The following ADARB2 variants were observed in gnomAD, a reference collection of about 807,000 sequenced individuals.
ADARB2 encodes the protein adenosine deaminase RNA specific B2 (inactive).
ADARB2 carries 25 observed loss-of-function variants against 62.2 expected under a neutral mutation model. That is an observed-to-expected ratio of 0.40 (90% CI 0.29 to 0.56). The LOEUF is 0.56. ADARB2 is among the 20% of genes least tolerant of loss of function. The pLI is 0.43. For synonymous variants in ADARB2, 572 were observed against 500.8 expected (o/e 1.14, Z -1.90); for missense variants, 1,071 against 1,077.4 (o/e 0.99, Z 0.08).
chr10:1,370,268 A>G (rs1832356882), intron 2 of ADARB2, among the ~76,000 whole-genome samples: 1 of 49,136 alleles, frequency 2.0e-5, no homozygotes, highest in Admixed American at 3.7e-4. Context: ...CATGATAAAA[A>G]CTGTCAACAA....
chr10:1,469,500 T>A (rs1413942452), intron 1 of ADARB2, among the ~76,000 whole-genome samples: 1 of 152,218 alleles, frequency 6.6e-6, no homozygotes, highest in Non-Finnish European at 1.5e-5. Context: ...ACTTTTACAC[T>A]TTTACACAAG....
intron 1 of ADARB2, among the ~76,000 whole-genome samples, chr10:1,395,686 C>T (rs945981927): frequency 2.0e-5 from 3 of 152,180 alleles, no homozygotes; most frequent in African/African-American, 7.2e-5. Context: ...CAGACCATCC[C>T]GGCGTCGCAG....
chr10:1,606,287 C>G (rs1325796098), intron 1 of ADARB2, among the ~76,000 whole-genome samples: 2 of 152,168 alleles, frequency 1.3e-5, no homozygotes, highest in African/African-American at 2.4e-5. Context: ...AAGTCAAGCC[C>G]CAGCCCAGAC....
Position 1,184,897 on chromosome 10 carries a change from G to T in ADARB2, c.2007C>A (p.His669Gln). The T allele has an allele frequency of 6.2e-7, 1 of 1,613,844 alleles. No individual in the cohort carries two copies. Among genetic ancestry groups the T allele is most frequent in the Non-Finnish European group, 8.5e-7 (1 of 1,180,036 alleles). ...SCGGPSRLCK[H>Q]VLSARWARLY... ...GCCGCGCCCACCGTGCAGACAGCAC[G>T]TGCTTGCAGAGCCGGGATGGGCCCC... Residue 669 changes from histidine to glutamine, a missense_variant, in exon 9 of 10, where the codon CAC becomes CAA. Physicochemically the swap from His to Gln is conservative, Grantham distance 24. Transcript: ENST00000381312.
intron 1 of ADARB2, among the ~76,000 whole-genome samples, chr10:1,499,149 C>T (rs1184016778): frequency 6.6e-6 from 1 of 151,606 alleles, no homozygotes; most frequent in Non-Finnish European, 1.5e-5. Flanking sequence ...TCACTCATTA[C>T]TCATTTATTA....
intron 3 of ADARB2, chr10:1,289,962 G>C (rs924095363): frequency 2.0e-5 from 3 of 151,350 alleles, no homozygotes; most frequent in Non-Finnish European, 4.4e-5. Context: ...ACATAGGCTG[G>C]TGGCTGAGCA....
intron 1 of ADARB2, among the ~76,000 whole-genome samples, chr10:1,439,628 AGTCTCCTC>A (rs1830879377): frequency 3.3e-5 from 4 of 123,014 alleles, no homozygotes; most frequent in African/African-American, 1.2e-4. Flanking sequence ...GGGGCTCCTG[AGTCTCCTC>A]AGCAGATGGA....
intron 2 of ADARB2, among the ~76,000 whole-genome samples, chr10:1,375,750 C>CCACACACATGCACACACGCACACATGTG (rs1450382717): frequency 2.6e-5 from 4 of 152,198 alleles, no homozygotes; most frequent in Middle Eastern, 3.2e-3. Context: ...GATTCACACG[C>CCACACACATGCACACACGCACACATGTG]CACACACATG....
At chr10:1,322,074 T>C (rs916095564) in intron 3 of ADARB2, among the ~76,000 whole-genome samples, 6 of 151,804 alleles carry the variant, frequency 4.0e-5, no homozygotes, top group African/African-American at 1.5e-4. Flanking sequence ...GAGACACCAG[T>C]TGGTACCTGG....
At chr10:1,308,282 G>C (rs188168023) in intron 3 of ADARB2, among the ~76,000 whole-genome samples, 12 of 152,128 alleles carry the variant, frequency 7.9e-5, no homozygotes, top group Non-Finnish European at 1.3e-4. Context: ...TATGCTTTCT[G>C]GATGGACTTA....
intron 1 of ADARB2, among the ~76,000 whole-genome samples, chr10:1,736,351 G>A (rs1835300502): frequency 6.6e-6 from 1 of 152,208 alleles, no homozygotes; most frequent in African/African-American, 2.4e-5. Flanking sequence ...CCAGCCCCAG[G>A]AATATCAGTA....
chr10:1,203,659 C>T (rs373713119), intron 7 of ADARB2, among the ~76,000 whole-genome samples: 3 of 152,120 alleles, frequency 2.0e-5, no homozygotes, highest in African/African-American at 2.4e-5. Flanking sequence ...TCAGCTTTCT[C>T]GGTGCCGCCC....
At chr10:1,736,975 G>T (rs563431420) in intron 1 of ADARB2, 76 bp downstream of exon 1, 2 of 1,455,176 alleles carry the variant, frequency 1.4e-6, no homozygotes, top group Non-Finnish European at 9.5e-7. Context: ...GACAAGCCCG[G>T]AGACCCCATG....
intron 1 of ADARB2, among the ~76,000 whole-genome samples, chr10:1,505,749 A>G (rs1285904163): frequency 2.4e-5 from 3 of 124,086 alleles, no homozygotes; most frequent in East Asian, 2.5e-4. Flanking sequence ...CGTCCCCACC[A>G]TGGCAGCCGC....
In ADARB2 at chr10:1,233,795, C is replaced by T; in HGVS notation, c.1412G>A (p.Gly471Asp). 1.2e-6 allele frequency: 2 copies of T among 1,613,978 alleles called. No homozygotes were observed. Among genetic ancestry groups the T allele is most frequent in the Non-Finnish European group, 1.7e-6 (2 of 1,179,984 alleles). Residue 471 changes from glycine to aspartate, a missense_variant, in exon 6 of 10, where the codon GGT becomes GAT. Coordinates refer to ENST00000381312, the MANE Select transcript of ADARB2 (RefSeq NM_018702.4). Reference protein sequence around the residue: ...ERSIFVRLKEGGYRLRENILF... With the variant: ...ERSIFVRLKEDGYRLRENILF... Reference sequence around the variant, plus strand: ...GATGTTCTCTCGCAGCCGGTAGCCACCTTCTTTTAACCGCACGAATATCGA... The same window carrying T: ...GATGTTCTCTCGCAGCCGGTAGCCATCTTCTTTTAACCGCACGAATATCGA...
intron 1 of ADARB2, among the ~76,000 whole-genome samples, chr10:1,453,110 T>A (rs1360166685): frequency 6.6e-6 from 1 of 152,144 alleles, no homozygotes; most frequent in Non-Finnish European, 1.5e-5. Flanking sequence ...CCACATCCTC[T>A]CTTCCCTCCC....
intron 1 of ADARB2, among the ~76,000 whole-genome samples, chr10:1,383,966 T>C (rs756428444): frequency 2.6e-5 from 4 of 152,256 alleles, no homozygotes; most frequent in Non-Finnish European, 5.9e-5. Context: ...CTATGTTTCA[T>C]TTATCCTATC....
chr10:1,669,833 CACAA>C lies in ADARB2; in HGVS notation c.100+67214_100+67217del, dbSNP rs150421682. Among the ~76,000 whole-genome samples, 1,462 of 151,774 alleles carry C rather than the reference CACAA, an allele frequency of 9.6e-3. 15 individuals are homozygous for C. The highest frequency in any genetic ancestry group is 0.042 in the East Asian group (217 of 5,158). ...ACACAGACACATAGACTCACAGACA[CACAA>C]ACAGACACACTCATAGAGACACACA... is the stretch of plus-strand genomic sequence containing the variant. On this transcript the variant is annotated intron_variant, in intron 1 of 9. Transcript: ENST00000381312.
chr10:1,577,814 C>A (rs1368699706), intron 1 of ADARB2, among the ~76,000 whole-genome samples: 2 of 152,214 alleles, frequency 1.3e-5, no homozygotes, highest in Admixed American at 6.5e-5. Context: ...AGATCGGGAT[C>A]TTCAAACAGG....
Sources: gnomAD v4.1 joint callset for allele counts (sites outside exome capture counted in the v4.1 genomes callset) on GRCh38, gnomAD v4.1.1 for gene constraint, MANE v1.5 for transcripts, NCBI Gene and HGNC (gene_info 2026-07-23, HGNC 2026-07-21) for gene names.